MYRIP: variants seen among roughly 807,000 people sequenced by gnomAD.
MYRIP encodes the protein rab effector MyRIP.
MYRIP carries 49 observed loss-of-function variants against 98.0 expected under a neutral mutation model. The ratio of observed to expected loss-of-function variants is 0.50; its 90% CI spans 0.40 to 0.63. The LOEUF is 0.63. Among genes scored for constraint, MYRIP ranks in the 30% least tolerant of loss-of-function variants. The pLI, the probability that MYRIP is intolerant of heterozygous loss-of-function variation, is 0.00. For missense variants in MYRIP, 1,004 were observed against 1,058.2 expected (o/e 0.95, Z 0.71); for synonymous variants, 404 against 409.5 (o/e 0.99, Z 0.16).
chr3:40,144,399 C>T (rs1478549846), intron 3 of MYRIP, among the ~76,000 whole-genome samples: 2 of 152,184 alleles, frequency 1.3e-5, no homozygotes, highest in Admixed American at 6.5e-5. Context: ...TGGTATCCAG[C>T]CTTCCAGAAC....
At chr3:40,188,516 G>A (rs994038249) in intron 9 of MYRIP, among the ~76,000 whole-genome samples, 3 of 150,956 alleles carry the variant, frequency 2.0e-5, no homozygotes, top group Non-Finnish European at 2.9e-5. Context: ...TGTGGCTCAC[G>A]CCTGTAATCC....
chr3:40,204,428 C>T (rs973848195), intron 10 of MYRIP, among the ~76,000 whole-genome samples: 6 of 149,948 alleles, frequency 4.0e-5, no homozygotes, highest in East Asian at 2.0e-4. Flanking sequence ...ATGATCCACC[C>T]GCCTCAGCCT....
rs540378533 is a variant in MYRIP at position 40,258,387 on chromosome 3, G to A, written c.*221G>A. ...CACTCTCTGCCTTAGGCTCCCAGGG[G>A]AATCCAAGACAGAAAATGAAGACAC... On this transcript the variant is annotated 3_prime_UTR_variant, in exon 17 of 17. Transcript: ENST00000302541. The A allele has an allele frequency of 2.0e-5, 10 of 502,422 alleles. No individual in the cohort carries two copies. The South Asian group carries it at 3.6e-4, about 18-fold the overall frequency. The allele number at this position is 502,422 out of a possible 1,614,324, so 31.1% of individuals were successfully genotyped here. A position where few individuals can be genotyped will look rare whatever the true frequency, so the allele number is the denominator to read the frequency against.
intron 2 of MYRIP, among the ~76,000 whole-genome samples, chr3:39,942,220 A>G (rs1199353188): frequency 6.6e-6 from 1 of 152,136 alleles, no homozygotes; most frequent in Non-Finnish European, 1.5e-5. Context: ...AGAATAACAG[A>G]ACAGGGCCAC....
intron 2 of MYRIP, among the ~76,000 whole-genome samples, chr3:39,911,295 A>AAG (rs10622748): frequency 0.44 from 67,185 of 151,844 alleles, 15,085 homozygotes; most frequent in East Asian, 0.54. Flanking sequence ...ATGTAGAAAA[A>AAG]GGAATCATGC....
chr3:40,116,211 G>A (rs1433891313), intron 3 of MYRIP, among the ~76,000 whole-genome samples: 1 of 152,160 alleles, frequency 6.6e-6, no homozygotes, highest in Non-Finnish European at 1.5e-5. Flanking sequence ...CCTGATGCTG[G>A]TATCCCCTAG....
At chr3:40,097,114 A>G (rs1057037450) in intron 3 of MYRIP, among the ~76,000 whole-genome samples, 2 of 152,366 alleles carry the variant, frequency 1.3e-5, no homozygotes, top group South Asian at 4.1e-4. Context: ...AGAAAAGCTT[A>G]TGGGAATAGG....
At chr3:39,929,645 A>C (rs530591048) in intron 2 of MYRIP, among the ~76,000 whole-genome samples, 68 of 152,180 alleles carry the variant, frequency 4.5e-4, no homozygotes, top group African/African-American at 1.6e-3. Flanking sequence ...TAAAGTGTAA[A>C]ATTCAGTGGT....
At chr3:40,039,018 G>A (rs1947446270) in intron 2 of MYRIP, among the ~76,000 whole-genome samples, 1 of 152,172 alleles carries the variant, frequency 6.6e-6, no homozygotes, top group South Asian at 2.1e-4. Context: ...AATCCCAAAG[G>A]TGGTGGCTGA....
chr3:40,108,182 A>T (rs1386993232), intron 3 of MYRIP, among the ~76,000 whole-genome samples: 4 of 98,148 alleles, frequency 4.1e-5, no homozygotes, highest in Non-Finnish European at 7.4e-5. Context: ...TGTGAGAGAG[A>T]GAGAGAGAGA....
chr3:40,002,479 G>T (rs1335648748), intron 2 of MYRIP, among the ~76,000 whole-genome samples: 2 of 151,874 alleles, frequency 1.3e-5, no homozygotes, highest in Non-Finnish European at 2.9e-5. Flanking sequence ...AGGTTGTATT[G>T]AGCTGAGATC....
At chr3:40,251,850 G>T in intron 15 of MYRIP, 31 bp from the exon 16 acceptor site, 1 of 1,455,984 alleles carries the variant, frequency 6.9e-7, no homozygotes, top group Non-Finnish European at 9.6e-7. Flanking sequence ...CATCTTCTGG[G>T]TAACATTTTT....
intron 1 of MYRIP, among the ~76,000 whole-genome samples, chr3:39,900,015 T>A (rs541567133): frequency 6.6e-6 from 1 of 152,248 alleles, no homozygotes; most frequent in East Asian, 1.9e-4. Context: ...GAGACAGGGT[T>A]TCACCATGTT....
intron 1 of MYRIP, among the ~76,000 whole-genome samples, chr3:39,872,611 G>C (rs929591520): frequency 6.6e-6 from 1 of 151,210 alleles, no homozygotes; most frequent in Non-Finnish European, 1.5e-5. Flanking sequence ...CCTTGCGATA[G>C]TTTACTGAGA....
At chr3:40,211,644 T>A (rs1951930507) in intron 11 of MYRIP, among the ~76,000 whole-genome samples, 1 of 152,200 alleles carries the variant, frequency 6.6e-6, no homozygotes, top group African/African-American at 2.4e-5. Flanking sequence ...CGCTGGAGCT[T>A]AGAGCCAGAT....
At chr3:40,149,540 C>T (rs1479160019) in intron 3 of MYRIP, among the ~76,000 whole-genome samples, 1 of 152,152 alleles carries the variant, frequency 6.6e-6, no homozygotes, top group East Asian at 1.9e-4. Flanking sequence ...AATAGAGAAC[C>T]ACTTTATCTT....
At chr3:39,853,636 C>T (rs1942204439) in intron 1 of MYRIP, among the ~76,000 whole-genome samples, 1 of 151,910 alleles carries the variant, frequency 6.6e-6, no homozygotes, top group South Asian at 2.1e-4. Context: ...GTTTGAGTTC[C>T]TTGTGGATCC....
At chr3:39,874,123 T>C (rs1942899803) in intron 1 of MYRIP, among the ~76,000 whole-genome samples, 1 of 151,986 alleles carries the variant, frequency 6.6e-6, no homozygotes, top group African/African-American at 2.4e-5. Flanking sequence ...AGTTCACTCA[T>C]GATTTGGCTC....
intron 13 of MYRIP, chr3:40,248,321 T>C (rs1473423238): frequency 6.6e-6 from 1 of 152,234 alleles, no homozygotes; most frequent in Non-Finnish European, 1.5e-5. Flanking sequence ...AGAAAGCTTC[T>C]CTTAACTCCT....
Sources: allele counts gnomAD v4.1 joint callset (sites outside exome capture counted in the v4.1 genomes callset), GRCh38; gene constraint gnomAD v4.1.1; transcripts MANE v1.5; gene names NCBI Gene and HGNC (gene_info 2026-07-23, HGNC 2026-07-21).